FRMD3: variants seen among roughly 807,000 people sequenced by gnomAD.
The protein encoded by FRMD3 is FERM domain-containing protein 3.
A neutral mutation model predicts 70.2 loss-of-function variants in FRMD3; 33 were observed. The ratio of observed to expected loss-of-function variants is 0.47; its 90% CI spans 0.36 to 0.63. The LOEUF (loss-of-function observed/expected upper bound fraction) is 0.63, where lower values mean the gene tolerates loss of function less well. FRMD3 is among the 20% of genes least tolerant of loss of function. FRMD3 has a pLI of 0.00. For synonymous variants in FRMD3, 279 were observed against 255.9 expected, an observed-to-expected ratio of 1.09 and a Z score of -0.86; for missense variants, 632 against 711.4, an observed-to-expected ratio of 0.89 and a Z score of 1.27.
upstream of FRMD3, chr9:83,538,452 C>A: frequency 2.7e-6 from 1 of 370,442 alleles, no homozygotes. The surrounding 1 kb of genome is among the most constrained non-coding windows in gnomAD (Gnocchi z 4.7). Context: ...CCCTCCTTTC[C>A]CCGCCTCCTT....
At chr9:83,493,985 T>C (rs1828885422) in intron 1 of FRMD3, among the ~76,000 whole-genome samples, 1 of 152,194 alleles carries the variant, frequency 6.6e-6, no homozygotes, top group African/African-American at 2.4e-5. Context: ...GCTACACTTA[T>C]CACCCGCTGA....
intron 6 of FRMD3, chr9:83,331,825 G>A: frequency 1.4e-6 from 1 of 717,430 alleles, no homozygotes; most frequent in Non-Finnish European, 2.6e-6. Flanking sequence ...TAAGGGCTGG[G>A]TGCCCACTGT....
At chr9:83,356,175 A>T (rs1030948757) in intron 3 of FRMD3, among the ~76,000 whole-genome samples, 1 of 152,092 alleles carries the variant, frequency 6.6e-6, no homozygotes, top group Non-Finnish European at 1.5e-5. Context: ...GGTGAAAGGG[A>T]AAAAGGGACT....
chr9:83,396,042 G>T (rs748797009), intron 1 of FRMD3, among the ~76,000 whole-genome samples: 1 of 152,140 alleles, frequency 6.6e-6, no homozygotes, highest in Non-Finnish European at 1.5e-5. Flanking sequence ...ACCCATTGGG[G>T]TAGTTAATAT....
chr9:83,539,628 G>A (rs891183707), upstream of FRMD3, among the ~76,000 whole-genome samples: 2 of 152,122 alleles, frequency 1.3e-5, no homozygotes, highest in African/African-American at 4.8e-5. Flanking sequence ...ACAGTCTGGT[G>A]GGCCATATAT....
chr9:83,470,303 G>A (rs3860930), intron 1 of FRMD3, among the ~76,000 whole-genome samples: 34,064 of 151,966 alleles, frequency 0.22, 3,863 homozygotes, highest in East Asian at 0.38. Context: ...TTAGAGAGGG[G>A]GCGATGGCTT....
chr9:83,404,873 A>G (rs1826055263), intron 1 of FRMD3, among the ~76,000 whole-genome samples: 1 of 152,206 alleles, frequency 6.6e-6, no homozygotes, highest in African/African-American at 2.4e-5. Context: ...GTTGCTTATC[A>G]GTGTAAAGGT....
At position 83,247,384 on chromosome 9, in the gene FRMD3, C is replaced by CTTT. The variant is rs10646229; in HGVS notation, c.*531_*533dup. 0.018 allele frequency: 16,030 copies of CTTT among 900,016 alleles called. 22 individuals are homozygous for CTTT. Among genetic ancestry groups the CTTT allele is most frequent in the South Asian group, 0.033 (645 of 19,448 alleles). 55.8% of individuals were successfully genotyped at this position (900,016 alleles called of 1,614,324 possible). A position where few individuals can be genotyped will look rare whatever the true frequency, so the allele number is the denominator to read the frequency against. On this transcript the variant is annotated 3_prime_UTR_variant, in exon 14 of 14. Coordinates refer to ENST00000304195, the MANE Select transcript of FRMD3 (RefSeq NM_174938.6). ...ACATGTAAATAACTCCAGGAGGCTT[C>CTTT]TTTTTTTTTTTTGCTAAAAATTTAC...
chr9:83,389,556 GTC>G, intron 2 of FRMD3, 46 bp downstream of exon 2: 1 of 1,253,688 alleles, frequency 8.0e-7, no homozygotes, highest in Non-Finnish European at 1.2e-6. Flanking sequence ...GTGCACCACA[GTC>G]TGGGTCACTC....
At chr9:83,549,586 T>C in the FRMD3 span, among the ~76,000 whole-genome samples, 1,717 of 152,252 alleles carry the variant, frequency 0.011, 30 homozygotes, top group African/African-American at 0.04. Flanking sequence ...AGAGTTTCCT[T>C]TTCTTTGCAA....
At chr9:83,503,375 G>C (rs1230149068) in intron 1 of FRMD3, among the ~76,000 whole-genome samples, 2 of 152,120 alleles carry the variant, frequency 1.3e-5, no homozygotes, top group Non-Finnish European at 2.9e-5. Context: ...GTTAGAGAGG[G>C]GCATGTGATA....
intron 1 of FRMD3, among the ~76,000 whole-genome samples, chr9:83,487,548 T>C (rs1223641456): frequency 6.6e-6 from 1 of 152,214 alleles, no homozygotes; most frequent in East Asian, 1.9e-4. Context: ...GAACTTCAAA[T>C]GCTACAATAG....
At position 83,357,284 on chromosome 9, in the gene FRMD3, TATATATATATATAA is replaced by T. The variant is rs1564032919; in HGVS notation, c.296-7541_296-7528del. Among the ~76,000 whole-genome samples the T allele has an allele frequency of 1.0e-3, 86 of 81,998 alleles. 3 individuals carry two copies. Among genetic ancestry groups the T allele is most frequent in the East Asian group, 3.4e-3 (7 of 2,068 alleles). 53.8% of individuals were successfully genotyped at this position (81,998 alleles called of 152,430 possible). On this transcript the variant is annotated intron_variant, in intron 3 of 13. Transcript: ENST00000304195. ...ATATATATATATATATATATATATA[TATATATATATATAA>T]AACATTTTCTTTATCCACTCATTGA...
chr9:83,418,376 T>C (rs1480575925), intron 1 of FRMD3, among the ~76,000 whole-genome samples: 2 of 151,838 alleles, frequency 1.3e-5, no homozygotes, highest in Non-Finnish European at 2.9e-5. Context: ...AAACTATGTA[T>C]CCAATGAAGG....
intron 1 of FRMD3, among the ~76,000 whole-genome samples, chr9:83,528,093 A>G (rs1209474843): frequency 6.6e-6 from 1 of 152,216 alleles, no homozygotes; most frequent in Admixed American, 6.5e-5. Context: ...CCTGATTCAA[A>G]TGGTTTACAG....
intron 1 of FRMD3, among the ~76,000 whole-genome samples, chr9:83,489,085 T>C (rs1430090844): frequency 6.6e-6 from 1 of 151,554 alleles, no homozygotes; most frequent in Non-Finnish European, 1.5e-5. Context: ...CTATTTACCA[T>C]ATACAAAAGT....
intron 5 of FRMD3, 30 bp downstream of exon 5, chr9:83,343,160 G>A (rs1823831509): frequency 9.6e-6 from 14 of 1,454,862 alleles, no homozygotes; most frequent in Non-Finnish European, 1.4e-5. Flanking sequence ...CAGTGCAAAG[G>A]TGGCGTGGGT....
intron 1 of FRMD3, among the ~76,000 whole-genome samples, chr9:83,499,927 A>T (rs1282250390): frequency 6.6e-6 from 1 of 152,208 alleles, no homozygotes; most frequent in Non-Finnish European, 1.5e-5. Flanking sequence ...AATAAAAAGA[A>T]ATGAGTTATC....
intron 7 of FRMD3, 129 bp downstream of exon 7, chr9:83,313,531 C>T: frequency 2.8e-6 from 2 of 717,672 alleles, no homozygotes; most frequent in Non-Finnish European, 4.9e-6. Flanking sequence ...ACTGTTGTCC[C>T]TTCCAATGAG....
Sources: gnomAD v4.1 joint callset for allele counts (sites outside exome capture counted in the v4.1 genomes callset) on GRCh38, gnomAD v4.1.1 for gene constraint, Gnocchi (gnomAD v3.1) non-coding constraint, MANE v1.5 for transcripts, NCBI Gene and HGNC (gene_info 2026-07-23, HGNC 2026-07-21) for gene names.